The following DLG2 variants were observed in gnomAD, a reference collection of about 807,000 sequenced individuals.
The protein encoded by DLG2 is disks large homolog 2.
DLG2 carries 45 observed loss-of-function variants against 132.5 expected under a neutral mutation model. The observed-to-expected ratio is 0.34, with a 90% CI of 0.27 to 0.44. The LOEUF (loss-of-function observed/expected upper bound fraction) is 0.44, where lower values mean the gene tolerates loss of function less well. Ranked by LOEUF, DLG2 falls within the 20% of genes least tolerant of loss-of-function variation. The probability of loss-of-function intolerance (pLI) is 1.00; values close to 1 mark genes in which losing one functional copy is unlikely to be tolerated. For missense variants in DLG2, 1,045 were observed against 1,196.9 expected (o/e 0.87, Z 1.87); for synonymous variants, 424 against 419.6 (o/e 1.01, Z -0.13).
At chr11:84,349,273 T>C (rs1229073476) in intron 7 of DLG2, among the ~76,000 whole-genome samples, 1 of 152,108 alleles carries the variant, frequency 6.6e-6, no homozygotes, top group Non-Finnish European at 1.5e-5. Context: ...TCAGAAAATA[T>C]TTCCCAAAGG....
chr11:83,690,492 T>C (rs1271564927), intron 18 of DLG2, among the ~76,000 whole-genome samples: 1 of 152,110 alleles, frequency 6.6e-6, no homozygotes, highest in East Asian at 1.9e-4. Context: ...CAAAGGTCAG[T>C]GGCAAATAGA....
chr11:83,778,549 G>A (rs575920918), intron 18 of DLG2, among the ~76,000 whole-genome samples: 4 of 152,248 alleles, frequency 2.6e-5, no homozygotes, highest in African/African-American at 9.6e-5. Context: ...CATACAATGA[G>A]AGGAGGTTAT....
intron 7 of DLG2, among the ~76,000 whole-genome samples, chr11:84,444,227 CAGGGA>C (rs1302372434): frequency 6.6e-6 from 1 of 151,852 alleles, no homozygotes; most frequent in Non-Finnish European, 1.5e-5. Flanking sequence ...CGGGTGTGGG[CAGGGA>C]AAGGGGGAGC....
intron 6 of DLG2, among the ~76,000 whole-genome samples, chr11:84,744,586 T>G (rs2065113506): frequency 1.3e-5 from 2 of 152,142 alleles, no homozygotes; most frequent in Non-Finnish European, 2.9e-5. Flanking sequence ...AAACATACCT[T>G]AATCTATTTT....
intron 4 of DLG2, among the ~76,000 whole-genome samples, chr11:85,237,749 C>G (rs184706247): frequency 9.3e-4 from 141 of 152,112 alleles, no homozygotes; most frequent in African/African-American, 3.2e-3. Context: ...AAAACAGGCT[C>G]TTAAAAGGCA....
At chr11:84,286,321 G>A (rs2097909556) in intron 7 of DLG2, among the ~76,000 whole-genome samples, 1 of 152,110 alleles carries the variant, frequency 6.6e-6, no homozygotes, top group African/African-American at 2.4e-5. Context: ...AAGAGAGGTG[G>A]TTAGGGCTTC....
intron 18 of DLG2, among the ~76,000 whole-genome samples, chr11:83,770,626 TC>T (rs1426868300): frequency 6.6e-6 from 1 of 152,178 alleles, no homozygotes; most frequent in East Asian, 1.9e-4. Flanking sequence ...TTTTTTTTCT[TC>T]TAAAGACCAG....
intron 4 of DLG2, among the ~76,000 whole-genome samples, chr11:85,280,359 C>G (rs1471329034): frequency 6.6e-6 from 1 of 151,970 alleles, no homozygotes; most frequent in Non-Finnish European, 1.5e-5. Flanking sequence ...TGACATTTTA[C>G]AGATTAAAAA....
At chr11:84,161,096 T>C (rs2095536562) in intron 9 of DLG2, among the ~76,000 whole-genome samples, 1 of 152,228 alleles carries the variant, frequency 6.6e-6, no homozygotes, top group South Asian at 2.1e-4. Context: ...AGTGTTTCTC[T>C]AGCCATATCC....
chr11:83,748,190 G>T (rs550775914), intron 18 of DLG2, among the ~76,000 whole-genome samples: 5 of 152,254 alleles, frequency 3.3e-5, no homozygotes, highest in East Asian at 1.9e-4. Flanking sequence ...ATTCACGAGG[G>T]CTCTGTTCTT....
chr11:84,703,445 G>A (rs2059412997), intron 6 of DLG2, among the ~76,000 whole-genome samples: 1 of 151,448 alleles, frequency 6.6e-6, no homozygotes, highest in Non-Finnish European at 1.5e-5. Context: ...AGCAGTGGGT[G>A]CTGAAAAAAA....
chr11:84,551,878 C>G (rs2099402451), intron 6 of DLG2, among the ~76,000 whole-genome samples: 1 of 152,174 alleles, frequency 6.6e-6, no homozygotes, highest in Non-Finnish European at 1.5e-5. Flanking sequence ...GTTAATGACA[C>G]TGCCATTTCT....
At chr11:85,166,946 A>C (rs1242175298) in intron 4 of DLG2, among the ~76,000 whole-genome samples, 23 of 152,162 alleles carry the variant, frequency 1.5e-4, no homozygotes, top group Admixed American at 1.5e-3. Flanking sequence ...ACTTAGAAAA[A>C]TCTAGATCTC....
intron 19 of DLG2, among the ~76,000 whole-genome samples, chr11:83,553,633 C>T (rs2096449392): frequency 6.6e-6 from 1 of 152,030 alleles, no homozygotes; most frequent in Admixed American, 6.6e-5. Context: ...TTTTAGTACT[C>T]TTTCCTCAGT....
At chr11:83,988,680 T>C (rs1439578749) in intron 11 of DLG2, among the ~76,000 whole-genome samples, 1 of 152,070 alleles carries the variant, frequency 6.6e-6, no homozygotes, top group African/African-American at 2.4e-5. Context: ...TCCGACATAG[T>C]CATAGACTGT....
intron 6 of DLG2, among the ~76,000 whole-genome samples, chr11:84,843,242 C>A: frequency 6.6e-6 from 1 of 150,628 alleles, no homozygotes; most frequent in African/African-American, 2.4e-5. Context: ...TTGTATACAT[C>A]AAATACATGC....
At chr11:84,988,820 C>T (rs2056786067) in intron 6 of DLG2, among the ~76,000 whole-genome samples, 1 of 152,056 alleles carries the variant, frequency 6.6e-6, no homozygotes, top group South Asian at 2.1e-4. Flanking sequence ...ATCACCACTA[C>T]AGAACTTACT....
intron 3 of DLG2, among the ~76,000 whole-genome samples, chr11:85,556,563 T>C (rs2076951831): frequency 6.6e-6 from 1 of 151,948 alleles, no homozygotes; most frequent in Admixed American, 6.6e-5. Flanking sequence ...CTTTTGACTG[T>C]AAAGTGTTTC....
chr11:85,524,437 C>A (rs148426426), intron 3 of DLG2, among the ~76,000 whole-genome samples: 128 of 151,790 alleles, frequency 8.4e-4, no homozygotes, highest in Non-Finnish European at 1.5e-3. Flanking sequence ...TAAAATTAAA[C>A]AATTTTAAAC....
Sources: gnomAD v4.1 joint callset for allele counts (sites outside exome capture counted in the v4.1 genomes callset) on GRCh38, gnomAD v4.1.1 for gene constraint, MANE v1.5 for transcripts, NCBI Gene and HGNC (gene_info 2026-07-23, HGNC 2026-07-21) for gene names.